ANKFN1: variants seen among roughly 807,000 people sequenced by gnomAD.
ANKFN1 encodes ankyrin repeat and fibronectin type-III domain-containing protein 1.
ANKFN1 carries 74 observed loss-of-function variants against 108.7 expected under a neutral mutation model. The ratio of observed to expected loss-of-function variants is 0.68; its 90% CI spans 0.56 to 0.83. The LOEUF (loss-of-function observed/expected upper bound fraction) is 0.83. Ranked by LOEUF, ANKFN1 falls within the 40% of genes least tolerant of loss-of-function variation. The probability of loss-of-function intolerance (pLI) is 0.00; values close to 1 mark genes in which losing one functional copy is unlikely to be tolerated. For missense variants in ANKFN1, 1,505 were observed against 1,382.3 expected, an observed-to-expected ratio of 1.09 and a Z score of -1.41; for synonymous variants, 547 against 516.2, an observed-to-expected ratio of 1.06 and a Z score of -0.81.
At chr17:56,069,671 C>A (rs1905098307) in intron 4 of ANKFN1, among the ~76,000 whole-genome samples, 1 of 152,104 alleles carries the variant, frequency 6.6e-6, no homozygotes, top group African/African-American at 2.4e-5. Flanking sequence ...AGGCCAGAAT[C>A]CTGAAATGAA....
Position 56,516,439 on chromosome 17 carries a change from T to G in ANKFN1, c.*5170T>G, listed in dbSNP as rs2048696461. Among the ~76,000 whole-genome samples the G allele has an allele frequency of 6.6e-6, 1 of 152,266 alleles. No homozygotes were observed. The highest frequency in any genetic ancestry group is 2.1e-4 in the South Asian group (1 of 4,836). On this transcript the variant is annotated 3_prime_UTR_variant, in exon 21 of 21. Coordinates refer to ENST00000682825, the MANE Select transcript of ANKFN1 (RefSeq NM_001370326.1). ...CAGAATTTATTGTGTCTTATTGCTA[T>G]GTATGCAACTGAGTGTATGTTAAAG... is the stretch of plus-strand genomic sequence containing the variant.
chr17:56,226,761 A>C (rs1916308531), intron 2 of ANKFN1, among the ~76,000 whole-genome samples: 1 of 152,118 alleles, frequency 6.6e-6, no homozygotes, highest in Non-Finnish European at 1.5e-5. Flanking sequence ...GAAATACAAT[A>C]AGTCTGGTTG....
chr17:56,364,150 A>C (rs1283032303), intron 6 of ANKFN1, among the ~76,000 whole-genome samples: 1 of 152,192 alleles, frequency 6.6e-6, no homozygotes, highest in Non-Finnish European at 1.5e-5. Flanking sequence ...TGATTTAATT[A>C]TTCCACATTG....
intron 4 of ANKFN1, among the ~76,000 whole-genome samples, chr17:56,126,808 C>G (rs540466750): frequency 1.3e-5 from 2 of 152,266 alleles, no homozygotes; most frequent in African/African-American, 2.4e-5. Flanking sequence ...TAAGATTGGT[C>G]CTGATGAAAG....
intron 3 of ANKFN1, among the ~76,000 whole-genome samples, chr17:56,285,477 T>A (rs1208175887): frequency 6.6e-6 from 1 of 152,222 alleles, no homozygotes; most frequent in African/African-American, 2.4e-5. Context: ...TTCCACTTCT[T>A]GTTAAGGAGT....
chr17:56,250,985 A>G (rs77227923), intron 3 of ANKFN1, among the ~76,000 whole-genome samples: 7,368 of 152,254 alleles, frequency 0.048, 239 homozygotes, highest in Middle Eastern at 0.071. Context: ...TTTTTCCCAA[A>G]GAAAGCTAAA....
chr17:56,122,458 C>T (rs1048660292), intron 4 of ANKFN1, among the ~76,000 whole-genome samples: 2 of 152,140 alleles, frequency 1.3e-5, no homozygotes, highest in African/African-American at 4.8e-5. Context: ...TTTACTTCTT[C>T]TACTCCCTAT....
Position 56,415,378 on chromosome 17 carries a change from C to T in ANKFN1, c.911-24949C>T, listed in dbSNP as rs1189344903. Among the ~76,000 whole-genome samples the T allele has an allele frequency of 4.6e-5, 7 of 152,250 alleles. No individual in the cohort carries two copies. In the East Asian group the frequency reaches 1.2e-3, roughly 25 times the overall value. On this transcript the variant is annotated intron_variant, in intron 8 of 20. Coordinates refer to ENST00000682825, the MANE Select transcript of ANKFN1 (RefSeq NM_001370326.1). Reference sequence around the variant, plus strand: ...ATACATTCAGTAAAGTTGGAAGATACCAAATCAACGTACAAAAATCAGTAG... The same window carrying T: ...ATACATTCAGTAAAGTTGGAAGATATCAAATCAACGTACAAAAATCAGTAG...
chr17:56,230,811 C>G (rs150095644), intron 3 of ANKFN1, among the ~76,000 whole-genome samples: 7 of 152,110 alleles, frequency 4.6e-5, no homozygotes, highest in African/African-American at 7.2e-5. Context: ...TGGCAGGAAC[C>G]ATTTTCTGCA....
intron 4 of ANKFN1, among the ~76,000 whole-genome samples, chr17:56,119,824 T>C (rs1906500400): frequency 6.6e-6 from 1 of 152,176 alleles, no homozygotes. Flanking sequence ...GCTTTAAGCT[T>C]CAGTTTCCTC....
At chr17:56,127,975 T>C (rs901096085) in intron 4 of ANKFN1, among the ~76,000 whole-genome samples, 8 of 152,188 alleles carry the variant, frequency 5.3e-5, no homozygotes, top group African/African-American at 1.9e-4. Context: ...GCAAAACTAT[T>C]GTTATGAAAC....
intron 9 of ANKFN1, 27 bp from the exon 10 acceptor site, chr17:56,442,816 C>A (rs750175429): frequency 1.3e-6 from 2 of 1,599,378 alleles, no homozygotes; most frequent in East Asian, 4.5e-5. Flanking sequence ...AATAAAATGC[C>A]TGATGCATCA....
intron 3 of ANKFN1, among the ~76,000 whole-genome samples, chr17:56,282,506 G>A (rs1312285400): frequency 6.6e-6 from 1 of 152,126 alleles, no homozygotes; most frequent in East Asian, 1.9e-4. Context: ...GAACTATAAA[G>A]TGTTATATAA....
chr17:56,170,785 T>TAC, intron 1 of ANKFN1, among the ~76,000 whole-genome samples: 1 of 78,088 alleles, frequency 1.3e-5, no homozygotes, highest in African/African-American at 5.6e-5. Context: ...TATATATATA[T>TAC]ATATATATAT....
At chr17:56,247,572 A>G (rs1442163246) in intron 3 of ANKFN1, among the ~76,000 whole-genome samples, 1 of 152,154 alleles carries the variant, frequency 6.6e-6, no homozygotes, top group African/African-American at 2.4e-5. Flanking sequence ...GATTTTTCCT[A>G]ATTACCTGAT....
At chr17:56,442,966 G>A in intron 10 of ANKFN1, 33 bp downstream of exon 10, 1 of 1,603,554 alleles carries the variant, frequency 6.2e-7, no homozygotes, top group East Asian at 2.2e-5. Flanking sequence ...CTCCAGCATG[G>A]TAACAGACTC....
chr17:56,418,381 G>T (rs2048302404), intron 8 of ANKFN1, among the ~76,000 whole-genome samples: 1 of 152,062 alleles, frequency 6.6e-6, no homozygotes, highest in African/African-American at 2.4e-5. Flanking sequence ...TTTTAAAACT[G>T]GGATTAAAAT....
At chr17:56,267,080 G>T (rs540815055) in intron 3 of ANKFN1, among the ~76,000 whole-genome samples, 2 of 151,870 alleles carry the variant, frequency 1.3e-5, no homozygotes, top group Non-Finnish European at 2.9e-5. Flanking sequence ...TCCCACCCTC[G>T]CCCTCAAGTA....
At chr17:56,500,818 C>T (rs903632026) in intron 20 of ANKFN1, among the ~76,000 whole-genome samples, 5 of 152,088 alleles carry the variant, frequency 3.3e-5, no homozygotes, top group African/African-American at 1.2e-4. Context: ...AGGCTCTCTT[C>T]GAAGTAACAG....
Sources: allele counts gnomAD v4.1 joint callset (sites outside exome capture counted in the v4.1 genomes callset), GRCh38; gene constraint gnomAD v4.1.1; transcripts MANE v1.5; gene names NCBI Gene and HGNC (gene_info 2026-07-23, HGNC 2026-07-21).